CSMD1: variants seen among roughly 807,000 people sequenced by gnomAD.
The protein encoded by CSMD1 is CUB and sushi domain-containing protein 1.
CSMD1 carries 213 observed loss-of-function variants against 417.5 expected under a neutral mutation model. That is an observed-to-expected ratio of 0.51 (90% CI 0.46 to 0.57). The LOEUF (loss-of-function observed/expected upper bound fraction) is 0.57. Ranked by LOEUF, CSMD1 falls within the 20% of genes least tolerant of loss-of-function variation. The pLI, the probability that CSMD1 is intolerant of heterozygous loss-of-function variation, is 0.00. For synonymous variants in CSMD1, 2,862 were observed against 1,736.8 expected, an observed-to-expected ratio of 1.65 and a Z score of -16.11; for missense variants, 6,923 against 4,529.7, an observed-to-expected ratio of 1.53 and a Z score of -15.17.
chr8:4,558,252 T>G (rs1386168979), intron 2 of CSMD1, among the ~76,000 whole-genome samples: 1 of 152,208 alleles, frequency 6.6e-6, no homozygotes, highest in East Asian at 1.9e-4. Flanking sequence ...AAAGCCCTGG[T>G]GAGTATCCAC....
At chr8:4,101,309 T>G (rs1488217009) in intron 3 of CSMD1, among the ~76,000 whole-genome samples, 2 of 152,192 alleles carry the variant, frequency 1.3e-5, no homozygotes, top group African/African-American at 2.4e-5. Context: ...GAGTTTCACT[T>G]GAACAGCTGT....
chr8:4,179,125 T>C (rs1454766263), intron 3 of CSMD1, among the ~76,000 whole-genome samples: 1 of 152,080 alleles, frequency 6.6e-6, no homozygotes, highest in Non-Finnish European at 1.5e-5. Flanking sequence ...GCCAAGTCAA[T>C]CCTAAGCCAA....
chr8:3,293,674 A>T (rs987606886), intron 25 of CSMD1, among the ~76,000 whole-genome samples: 4 of 152,116 alleles, frequency 2.6e-5, no homozygotes, highest in Non-Finnish European at 4.4e-5. Context: ...GTTTTCAGCT[A>T]CATCAGGTCC....
At chr8:3,118,833 G>C (rs1013579033) in intron 41 of CSMD1, among the ~76,000 whole-genome samples, 18 of 152,134 alleles carry the variant, frequency 1.2e-4, no homozygotes, top group African/African-American at 4.3e-4. Context: ...CATACCAAAA[G>C]TAAATTTTAT....
At chr8:3,980,552 T>C (rs550370135) in intron 5 of CSMD1, among the ~76,000 whole-genome samples, 13 of 152,340 alleles carry the variant, frequency 8.5e-5, no homozygotes, top group Non-Finnish European at 1.2e-4. Flanking sequence ...CTCTTTGGTT[T>C]TCCACTCAAA....
chr8:3,959,097 G>C (rs570468534), intron 5 of CSMD1, among the ~76,000 whole-genome samples: 1 of 152,164 alleles, frequency 6.6e-6, no homozygotes, highest in Admixed American at 6.5e-5. Context: ...CAACGCCTCT[G>C]TCACATGCTT....
chr8:3,626,015 A>G (rs923895797), intron 7 of CSMD1, among the ~76,000 whole-genome samples: 4 of 152,222 alleles, frequency 2.6e-5, no homozygotes, highest in Admixed American at 1.3e-4. Context: ...ATTCTACTAT[A>G]AAGTCAGTGT....
chr8:3,079,332 C>A (rs541548859), intron 49 of CSMD1, among the ~76,000 whole-genome samples: 199 of 152,208 alleles, frequency 1.3e-3, no homozygotes, highest in Non-Finnish European at 2.5e-3. Flanking sequence ...TAAAGAGAGA[C>A]ACAAGCATAC....
intron 1 of CSMD1, among the ~76,000 whole-genome samples, chr8:4,755,887 G>T (rs1811635998): frequency 6.6e-6 from 1 of 152,094 alleles, no homozygotes; most frequent in Non-Finnish European, 1.5e-5. Flanking sequence ...CTCATAATGG[G>T]CTGCTCGGCC....
intron 3 of CSMD1, among the ~76,000 whole-genome samples, chr8:4,348,954 T>C (rs1159086335): frequency 6.6e-6 from 1 of 152,148 alleles, no homozygotes; most frequent in Non-Finnish European, 1.5e-5. Context: ...GCCCTCAGAA[T>C]ACTCTTGAAT....
chr8:3,659,374 G>A (rs1798294917), intron 7 of CSMD1, among the ~76,000 whole-genome samples: 2 of 152,152 alleles, frequency 1.3e-5, no homozygotes. Flanking sequence ...ACCCACTGAT[G>A]AAATTTTTCA....
chr8:3,967,120 G>A (rs912147235), intron 5 of CSMD1, among the ~76,000 whole-genome samples: 2 of 151,830 alleles, frequency 1.3e-5, no homozygotes, highest in Non-Finnish European at 2.9e-5. Context: ...TAGAGAAACG[G>A]ACTAATTTTG....
At chr8:3,182,926 G>C (rs1005357152) in intron 36 of CSMD1, 2 of 140,166 alleles carry the variant, frequency 1.4e-5, no homozygotes, top group African/African-American at 5.3e-5. Flanking sequence ...GTTGTTAGTA[G>C]AGAAGGGGTT....
intron 3 of CSMD1, among the ~76,000 whole-genome samples, chr8:4,414,667 C>G (rs1353282406): frequency 6.6e-6 from 1 of 152,058 alleles, no homozygotes; most frequent in African/African-American, 2.4e-5. Flanking sequence ...TTTTTCAATA[C>G]CAATACTTAC....
chr8:4,068,998 A>G (rs772655662), intron 3 of CSMD1, among the ~76,000 whole-genome samples: 1 of 152,220 alleles, frequency 6.6e-6, no homozygotes, highest in Admixed American at 6.5e-5. Context: ...GCTTGGAAAG[A>G]TAACCCAGTA....
chr8:4,085,152 G>A (rs568349247), intron 3 of CSMD1, among the ~76,000 whole-genome samples: 15 of 152,244 alleles, frequency 9.9e-5, no homozygotes, highest in East Asian at 3.9e-4. Flanking sequence ...CCTTGAAGGC[G>A]TCACCATTAC....
rs181946030 is a variant in CSMD1 at position 4,081,647 on chromosome 8, G to A, written c.416-49548C>T. 1.1e-3 allele frequency among the ~76,000 whole-genome samples: 166 copies of A among 152,234 alleles called. 4 individuals carry two copies. The East Asian group carries it at 0.026, about 24-fold the overall frequency. Reference sequence around the variant, plus strand: ...ACAAATGGAGATATGGACTAAAATAGATACTATGCTACACAATGCAACAAT... The same window carrying A: ...ACAAATGGAGATATGGACTAAAATAAATACTATGCTACACAATGCAACAAT... On this transcript the variant is annotated intron_variant, in intron 3 of 69. Transcript: ENST00000635120.
intron 1 of CSMD1, among the ~76,000 whole-genome samples, chr8:4,890,657 T>G (rs1310834991): frequency 6.6e-6 from 1 of 151,946 alleles, no homozygotes; most frequent in African/African-American, 2.4e-5. Context: ...GCAGGACAGA[T>G]GAGAGCGTGT....
chr8:3,569,115 C>A (rs1167616739), intron 10 of CSMD1, among the ~76,000 whole-genome samples: 2 of 152,158 alleles, frequency 1.3e-5, no homozygotes, highest in Admixed American at 1.3e-4. Flanking sequence ...CTGGTATGAG[C>A]TGTTCCAATT....
Sources: allele counts gnomAD v4.1 joint callset (sites outside exome capture counted in the v4.1 genomes callset), GRCh38; gene constraint gnomAD v4.1.1; transcripts MANE v1.5; gene names NCBI Gene and HGNC (gene_info 2026-07-23, HGNC 2026-07-21).